The following DGKB variants were observed in gnomAD, a reference collection of about 807,000 sequenced individuals.
DGKB encodes 90 kDa diacylglycerol kinase.
Under a neutral mutation model 114.3 loss-of-function variants are expected in DGKB, and 67 were observed. That is an observed-to-expected ratio of 0.59 (90% CI 0.48 to 0.72). The LOEUF is 0.72. Among genes scored for constraint, DGKB ranks in the 30% least tolerant of loss-of-function variants. The pLI is 0.00. For synonymous variants in DGKB, 398 were observed against 323.1 expected, an observed-to-expected ratio of 1.23 and a Z score of -2.49; for missense variants, 907 against 975.2, an observed-to-expected ratio of 0.93 and a Z score of 0.93.
At chr7:14,613,873 A>C (rs527338713) in intron 15 of DGKB, among the ~76,000 whole-genome samples, 39 of 152,236 alleles carry the variant, frequency 2.6e-4, no homozygotes, top group African/African-American at 8.9e-4. Flanking sequence ...CCATCTTCCC[A>C]ACCACCTGTG....
intron 20 of DGKB, among the ~76,000 whole-genome samples, chr7:14,553,658 A>G (rs187526837): frequency 7.8e-4 from 119 of 152,272 alleles, no homozygotes; most frequent in Admixed American, 2.3e-3. Context: ...GCATCATGGT[A>G]TGTATGGGTT....
chr7:14,642,236 A>C (rs977284171), intron 13 of DGKB, among the ~76,000 whole-genome samples: 1 of 152,126 alleles, frequency 6.6e-6, no homozygotes, highest in African/African-American at 2.4e-5. Flanking sequence ...ATTATAAAGT[A>C]AATGTTTTCT....
Position 14,198,770 on chromosome 7 carries a change from C to T in DGKB, c.2123-20619G>A, listed in dbSNP as rs183790242. Among the ~76,000 whole-genome samples, 94 of 152,042 alleles carry T rather than the reference C, an allele frequency of 6.2e-4. 1 individual carries two copies. Among genetic ancestry groups the T allele is most frequent in the African/African-American group, 2.2e-3 (90 of 41,504 alleles). ...TAGATATTGTAAGAAAATAGGGTCC[C>T]AGAGGTCTCTAAGGTACCTGGCATT... On this transcript the variant is annotated intron_variant, in intron 23 of 25. Coordinates refer to ENST00000402815, the MANE Select transcript of DGKB (RefSeq NM_001350709.2).
chr7:14,545,750 C>G (rs1352180683), intron 20 of DGKB, among the ~76,000 whole-genome samples: 1 of 152,184 alleles, frequency 6.6e-6, no homozygotes, highest in African/African-American at 2.4e-5. Flanking sequence ...TAACTTGTTC[C>G]TGATCTGACA....
At chr7:14,466,617 T>C (rs528004404) in intron 21 of DGKB, among the ~76,000 whole-genome samples, 1 of 148,048 alleles carries the variant, frequency 6.8e-6, no homozygotes, top group African/African-American at 2.5e-5. Flanking sequence ...ATAAATACAT[T>C]CAATAAATCT....
Position 14,841,184 on chromosome 7 carries a change from G to A in DGKB, c.70+10C>T, listed in dbSNP as rs376786590. 1.2e-6 allele frequency: 2 copies of A among 1,604,222 alleles called. No individual in the cohort carries two copies. Among genetic ancestry groups the A allele is most frequent in the South Asian group, 1.1e-5 (1 of 89,908 alleles). ...TCAAATAATCTCATAATATCAATATGAATACTTACACTCAGCATATTTCTG... is the reference window on the plus strand; with the variant it reads ...TCAAATAATCTCATAATATCAATATAAATACTTACACTCAGCATATTTCTG... On this transcript the variant is annotated intron_variant, in intron 2 of 25. Transcript: ENST00000402815.
chr7:14,621,528 T>A, intron 14 of DGKB, 34 bp from the exon 15 acceptor site: 1 of 1,274,556 alleles, frequency 7.8e-7, no homozygotes, highest in African/African-American at 1.5e-5. Flanking sequence ...AAAATAAAAA[T>A]TAGGAAAATA....
intron 7 of DGKB, among the ~76,000 whole-genome samples, chr7:14,699,083 G>A (rs1268248538): frequency 6.6e-6 from 1 of 151,522 alleles, no homozygotes; most frequent in Non-Finnish European, 1.5e-5. Flanking sequence ...TTGGGAAGCC[G>A]TGTTTCCCTC....
At chr7:14,925,466 G>T (rs1222775139) in intron 1 of DGKB, among the ~76,000 whole-genome samples, 1 of 152,084 alleles carries the variant, frequency 6.6e-6, no homozygotes, top group Non-Finnish European at 1.5e-5. Context: ...ATAGGAAAGG[G>T]ATTAAACTTA....
intron 23 of DGKB, chr7:14,209,478 C>G (rs778127901): frequency 2.1e-6 from 1 of 485,578 alleles, no homozygotes; most frequent in Non-Finnish European, 4.3e-6. Flanking sequence ...ATGATCTTGT[C>G]TCCTTCCAAA....
At chr7:14,303,960 A>G (rs183564981) in intron 23 of DGKB, among the ~76,000 whole-genome samples, 2 of 151,780 alleles carry the variant, frequency 1.3e-5, no homozygotes, top group Admixed American at 1.3e-4. Context: ...GTTTTAATGA[A>G]ACCCTGGATT....
At chr7:14,169,724 G>A (rs1418876700) in intron 25 of DGKB, among the ~76,000 whole-genome samples, 1 of 152,170 alleles carries the variant, frequency 6.6e-6, no homozygotes, top group Non-Finnish European at 1.5e-5. Flanking sequence ...ATGATGGATA[G>A]CTTTGGCTGC....
chr7:14,958,677 G>A (rs556608996), intron 1 of DGKB, among the ~76,000 whole-genome samples: 2 of 151,976 alleles, frequency 1.3e-5, no homozygotes, highest in South Asian at 2.1e-4. Context: ...ATATGACTGC[G>A]GGAGTATTAT....
At chr7:14,904,480 G>A (rs1413551397), upstream of DGKB, among the ~76,000 whole-genome samples, 1 of 152,032 alleles carries the variant, frequency 6.6e-6, no homozygotes, top group Non-Finnish European at 1.5e-5. Flanking sequence ...AGACCCAGAA[G>A]GAAGAAAATA....
intron 2 of DGKB, among the ~76,000 whole-genome samples, chr7:14,768,460 C>T (rs1836800672): frequency 6.8e-6 from 1 of 146,678 alleles, no homozygotes; most frequent in Non-Finnish European, 1.5e-5. Context: ...TAGTGCATAT[C>T]TCCACATACT....
chr7:14,378,924 G>A lies in DGKB; in HGVS notation c.1836-33533C>T, dbSNP rs369152398. ...CCATTATAAATATTTACGCATTTTG[G>A]TGAAGCAGGAAAGTGGTTGTTAGCA... is the stretch of plus-strand genomic sequence containing the variant. On this transcript the variant is annotated intron_variant, in intron 21 of 25. Coordinates refer to ENST00000402815, the MANE Select transcript of DGKB (RefSeq NM_001350709.2). Among the ~76,000 whole-genome samples, 3 of 151,846 alleles carry A rather than the reference G, an allele frequency of 2.0e-5. No homozygotes were observed. The East Asian group carries it at 5.8e-4, about 29-fold the overall frequency.
At chr7:14,958,426 A>AACAC (rs754087921) in intron 1 of DGKB, among the ~76,000 whole-genome samples, 12,722 of 122,650 alleles carry the variant, frequency 0.1, 802 homozygotes, top group African/African-American at 0.14. Context: ...TACCTCTCCC[A>AACAC]ACACACACAC....
At chr7:14,327,364 A>G (rs568331001) in intron 23 of DGKB, among the ~76,000 whole-genome samples, 2 of 152,288 alleles carry the variant, frequency 1.3e-5, no homozygotes, top group East Asian at 1.9e-4. Flanking sequence ...CAATTACAAT[A>G]AAGAATTTAT....
chr7:14,856,019 AC>A (rs1850101612), intron 1 of DGKB, among the ~76,000 whole-genome samples: 1 of 19,482 alleles, frequency 5.1e-5, no homozygotes, highest in African/African-American at 6.7e-4. Flanking sequence ...ACACACACAC[AC>A]ATAATTAACA....
Sources: gnomAD v4.1 joint callset for allele counts (sites outside exome capture counted in the v4.1 genomes callset) on GRCh38, gnomAD v4.1.1 for gene constraint, MANE v1.5 for transcripts, NCBI Gene and HGNC (gene_info 2026-07-23, HGNC 2026-07-21) for gene names.